Variants in TBL1XR1 observed in about 807,000 individuals in gnomAD.
TBL1XR1 encodes the protein TBL1X/Y related 1.
A neutral mutation model predicts 66.9 loss-of-function variants in TBL1XR1; 5 were observed. The ratio of observed to expected loss-of-function variants is 0.07; its 90% CI spans 0.04 to 0.16. TBL1XR1 has a LOEUF of 0.16. Among genes scored for constraint, TBL1XR1 ranks in the 10% least tolerant of loss-of-function variants. TBL1XR1 has a pLI of 1.00. For missense variants in TBL1XR1, 238 were observed against 623.2 expected, an observed-to-expected ratio of 0.38 and a Z score of 6.58; for synonymous variants, 210 against 206.0, an observed-to-expected ratio of 1.02 and a Z score of -0.17.
chr3:177,177,928 G>A (rs1178878204), intron 1 of TBL1XR1, among the ~76,000 whole-genome samples: 1 of 152,184 alleles, frequency 6.6e-6, no homozygotes, highest in Non-Finnish European at 1.5e-5. Flanking sequence ...CTGCAACGTG[G>A]AGAATAAGGG....
intron 1 of TBL1XR1, among the ~76,000 whole-genome samples, chr3:177,172,212 G>A (rs191489669): frequency 7.0e-6 from 1 of 143,668 alleles, no homozygotes; most frequent in East Asian, 2.1e-4. Context: ...AGTGAGCCAA[G>A]ATTGCGCCAC....
intron 1 of TBL1XR1, among the ~76,000 whole-genome samples, chr3:177,169,406 A>C (rs1253704975): frequency 6.6e-6 from 1 of 152,218 alleles, no homozygotes; most frequent in African/African-American, 2.4e-5. Flanking sequence ...TCAGATTGAC[A>C]TTTCAGTTAC....
intron 1 of TBL1XR1, among the ~76,000 whole-genome samples, chr3:177,167,645 CTT>C (rs1305620374): frequency 6.6e-6 from 1 of 152,156 alleles, no homozygotes; most frequent in Non-Finnish European, 1.5e-5. Flanking sequence ...AATTAAGTCT[CTT>C]AGGCTGGGCG....
At chr3:177,051,228 A>G (rs1285564884) in intron 5 of TBL1XR1, among the ~76,000 whole-genome samples, 1 of 152,140 alleles carries the variant, frequency 6.6e-6, no homozygotes, top group Admixed American at 6.5e-5. Flanking sequence ...TTATTTCAGC[A>G]TAGAAGATGG....
At chr3:177,196,644 C>T (rs1736893926) in intron 1 of TBL1XR1, among the ~76,000 whole-genome samples, 2 of 151,718 alleles carry the variant, frequency 1.3e-5, no homozygotes, top group South Asian at 4.1e-4. Flanking sequence ...CACCGAAAAG[C>T]TCCTTCTCCT....
At chr3:177,025,573 CATTTT>C (rs1461485673) in intron 15 of TBL1XR1, 49 bp from the exon 16 acceptor site, 5 of 1,565,950 alleles carry the variant, frequency 3.2e-6, no homozygotes, top group East Asian at 2.2e-5. Flanking sequence ...TTTTATTGTA[CATTTT>C]ATGTTTAACT....
intron 10 of TBL1XR1, among the ~76,000 whole-genome samples, chr3:177,038,973 T>C (rs569871801): frequency 6.6e-6 from 1 of 152,076 alleles, no homozygotes; most frequent in East Asian, 1.9e-4. Context: ...TCCACAATGC[T>C]CCAAAATCTG....
chr3:177,046,204 A>C lies in TBL1XR1; in HGVS notation c.865-15T>G. The C allele has an allele frequency of 6.5e-7, 1 of 1,530,020 alleles. No individual in the cohort carries two copies. The highest frequency in any genetic ancestry group is 8.8e-7 in the Non-Finnish European group (1 of 1,139,708). The allele number at this position is 1,530,020 out of a possible 1,614,324, so 94.8% of individuals were successfully genotyped here. A position where few individuals can be genotyped will look rare whatever the true frequency, so the allele number is the denominator to read the frequency against. On this transcript the variant is annotated splice_polypyrimidine_tract_variant and intron_variant, in intron 9 of 15. Transcript: ENST00000457928. ...ATAATTGTAGTCTGAGATTAAAAGG[A>C]AAAGAAAAATAAACTCATGGAAAGA...
At chr3:177,051,370 A>T (rs1717063909) in intron 5 of TBL1XR1, 134 bp downstream of exon 5, 1 of 735,910 alleles carries the variant, frequency 1.4e-6, no homozygotes, top group Non-Finnish European at 2.1e-6. Flanking sequence ...TGGGTGATGA[A>T]ATAGTCTGTA....
At chr3:177,115,952 AG>A (rs1553847621) in intron 1 of TBL1XR1, among the ~76,000 whole-genome samples, 1 of 152,172 alleles carries the variant, frequency 6.6e-6, no homozygotes, top group Non-Finnish European at 1.5e-5. Context: ...GAAGTCCGCT[AG>A]GGAAGGAATG....
chr3:177,148,896 C>T (rs950090769), intron 1 of TBL1XR1, among the ~76,000 whole-genome samples: 6 of 151,066 alleles, frequency 4.0e-5, no homozygotes, highest in Non-Finnish European at 7.4e-5. Flanking sequence ...CCCAGCTACT[C>T]GGGAGGCTAA....
At chr3:177,075,288 G>A (rs1245148428) in intron 2 of TBL1XR1, among the ~76,000 whole-genome samples, 1 of 152,182 alleles carries the variant, frequency 6.6e-6, no homozygotes, top group Non-Finnish European at 1.5e-5. Context: ...TCTTTACGTG[G>A]CATTCTCCTC....
chr3:177,144,159 C>A (rs117583752), intron 1 of TBL1XR1, among the ~76,000 whole-genome samples: 2 of 152,010 alleles, frequency 1.3e-5, no homozygotes, highest in Non-Finnish European at 2.9e-5. Context: ...GCACGAAAAT[C>A]GCTTGAACCC....
chr3:177,092,099 G>A (rs28626068), intron 2 of TBL1XR1, among the ~76,000 whole-genome samples: 5,605 of 152,146 alleles, frequency 0.037, 209 homozygotes, highest in African/African-American at 0.085. Context: ...GCAGTATAAC[G>A]GTTTAGCGCT....
intron 12 of TBL1XR1, among the ~76,000 whole-genome samples, chr3:177,034,943 G>A (rs1368017806): frequency 6.7e-6 from 1 of 149,494 alleles, no homozygotes; most frequent in Non-Finnish European, 1.5e-5. Context: ...GTATTTCTGG[G>A]AAAAAAAAAA....
chr3:177,022,316 T>C lies in TBL1XR1; in HGVS notation c.*3182A>G, dbSNP rs561812629. ...GTAAAAGGTATTTAATCCTAAAACATACTTACCTAGAGAATAATTAAAACA... is the reference window on the plus strand; with the variant it reads ...GTAAAAGGTATTTAATCCTAAAACACACTTACCTAGAGAATAATTAAAACA... On this transcript the variant is annotated 3_prime_UTR_variant, in exon 16 of 16. Transcript: ENST00000457928. 1 of 152,510 alleles carries C rather than the reference T, an allele frequency of 6.6e-6. No homozygotes were observed. Among genetic ancestry groups the C allele is most frequent in the African/African-American group, 2.4e-5 (1 of 41,432 alleles). 9.4% of individuals were successfully genotyped at this position (152,510 alleles called of 1,614,324 possible).
At chr3:177,123,372 A>C (rs1727220706) in intron 1 of TBL1XR1, among the ~76,000 whole-genome samples, 1 of 152,122 alleles carries the variant, frequency 6.6e-6, no homozygotes, top group South Asian at 2.1e-4. Context: ...AACATCACTG[A>C]TAAGAAGCTT....
chr3:177,097,568 T>C (rs2108663879), intron 2 of TBL1XR1, among the ~76,000 whole-genome samples: 1 of 152,164 alleles, frequency 6.6e-6, no homozygotes, highest in South Asian at 2.1e-4. Context: ...GTCTTTCTGC[T>C]ATATCACATG....
chr3:177,150,753 C>G (rs1362451644), intron 1 of TBL1XR1, among the ~76,000 whole-genome samples: 2 of 152,140 alleles, frequency 1.3e-5, no homozygotes, highest in African/African-American at 4.8e-5. Flanking sequence ...TGAGCAGGCT[C>G]TAACAGAAAG....
Sources: gnomAD v4.1 joint callset for allele counts (sites outside exome capture counted in the v4.1 genomes callset) on GRCh38, gnomAD v4.1.1 for gene constraint, MANE v1.5 for transcripts, NCBI Gene and HGNC (gene_info 2026-07-23, HGNC 2026-07-21) for gene names.